The following ZRANB3 variants were observed in gnomAD, a reference collection of about 807,000 sequenced individuals.
ZRANB3 encodes the protein DNA annealing helicase and endonuclease ZRANB3.
In ZRANB3, 125 loss-of-function variants were observed where a neutral mutation model predicts 133.8. That is an observed-to-expected ratio of 0.93 (90% CI 0.81 to 1.08). The LOEUF is 1.08. Among genes scored for constraint, ZRANB3 ranks in the 50% least tolerant of loss-of-function variants. ZRANB3 has a pLI of 0.00. For synonymous variants in ZRANB3, 387 were observed against 432.7 expected (o/e 0.89, Z 1.31); for missense variants, 1,229 against 1,275.5 (o/e 0.96, Z 0.56).
intron 1 of ZRANB3, chr2:135,510,577 C>A: frequency 1.4e-6 from 1 of 725,448 alleles, no homozygotes; most frequent in Admixed American, 2.1e-5. Context: ...TCTTCCCACT[C>A]CAAATCCTGC....
chr2:135,480,319 A>C (rs1691718936), intron 2 of ZRANB3, among the ~76,000 whole-genome samples: 1 of 152,152 alleles, frequency 6.6e-6, no homozygotes, highest in African/African-American at 2.4e-5. Flanking sequence ...GAAATAATTT[A>C]ACAAAGAATC....
chr2:135,405,044 G>T (rs1244386198), intron 2 of ZRANB3, among the ~76,000 whole-genome samples: 2 of 152,126 alleles, frequency 1.3e-5, no homozygotes, highest in Non-Finnish European at 2.9e-5. Context: ...AAAGAGTCAA[G>T]ACCCATCAGT....
At chr2:135,247,489 A>G (rs1695849897) in intron 12 of ZRANB3, among the ~76,000 whole-genome samples, 1 of 152,228 alleles carries the variant, frequency 6.6e-6, no homozygotes. Flanking sequence ...CACACAAAAT[A>G]AAACACATTT....
chr2:135,524,511 G>A (rs548507767), intron 1 of ZRANB3, among the ~76,000 whole-genome samples: 2 of 152,052 alleles, frequency 1.3e-5, no homozygotes, highest in Admixed American at 1.3e-4. Flanking sequence ...GTCATATTTG[G>A]TATATATATA....
At chr2:135,248,862 C>T (rs1695919127) in intron 12 of ZRANB3, among the ~76,000 whole-genome samples, 1 of 152,086 alleles carries the variant, frequency 6.6e-6, no homozygotes, top group Non-Finnish European at 1.5e-5. Context: ...GCCAAGATTG[C>T]ACCATCACAT....
At chr2:135,238,518 C>T (rs553313132) in intron 12 of ZRANB3, among the ~76,000 whole-genome samples, 4 of 151,702 alleles carry the variant, frequency 2.6e-5, no homozygotes, top group Non-Finnish European at 4.4e-5. Flanking sequence ...TGTTCACTAT[C>T]ACGCCCAGCT....
intron 3 of ZRANB3, among the ~76,000 whole-genome samples, chr2:135,377,267 A>G (rs1686471256): frequency 6.6e-6 from 1 of 152,180 alleles, no homozygotes. Flanking sequence ...ATGTACATAT[A>G]TATGTATATC....
chr2:135,511,837 C>T (rs761301857), intron 1 of ZRANB3: 47 of 763,032 alleles, frequency 6.2e-5, no homozygotes, highest in Non-Finnish European at 9.8e-5. Flanking sequence ...AGAAGAGTTC[C>T]TTCCATAAAA....
intron 3 of ZRANB3, among the ~76,000 whole-genome samples, chr2:135,387,963 A>C (rs1201069825): frequency 2.6e-5 from 4 of 152,182 alleles, no homozygotes; most frequent in Admixed American, 6.5e-5. Context: ...GGTGTGTTAG[A>C]GAATATAAGA....
intron 1 of ZRANB3, among the ~76,000 whole-genome samples, chr2:135,514,413 A>ATT (rs1483730406): frequency 6.6e-6 from 1 of 152,068 alleles, no homozygotes; most frequent in Non-Finnish European, 1.5e-5. Flanking sequence ...ATTGTTAATG[A>ATT]GAGTTCATAC....
At chr2:135,351,622 A>T (rs1383748754) in intron 4 of ZRANB3, among the ~76,000 whole-genome samples, 2 of 152,194 alleles carry the variant, frequency 1.3e-5, no homozygotes, top group Non-Finnish European at 2.9e-5. Flanking sequence ...ATTACTAACT[A>T]ACTTAGGTAT....
At chr2:135,420,750 AGTTTTCTT>A (rs1432179683) in intron 2 of ZRANB3, among the ~76,000 whole-genome samples, 1 of 152,110 alleles carries the variant, frequency 6.6e-6, no homozygotes, top group Non-Finnish European at 1.5e-5. Context: ...TCTTTTGGAG[AGTTTTCTT>A]GTTTTCTTTA....
intron 2 of ZRANB3, among the ~76,000 whole-genome samples, chr2:135,457,852 T>C (rs906567506): frequency 6.6e-6 from 1 of 152,124 alleles, no homozygotes; most frequent in Non-Finnish European, 1.5e-5. Context: ...CAAATAATTG[T>C]TCCTAGTCTG....
At chr2:135,330,111 G>C (rs918348202) in intron 6 of ZRANB3, among the ~76,000 whole-genome samples, 1 of 152,198 alleles carries the variant, frequency 6.6e-6, no homozygotes, top group African/African-American at 2.4e-5. Context: ...AGTGGTGAGA[G>C]AGTGCATCCT....
Position 135,290,402 on chromosome 2 carries a change from C to T in ZRANB3, c.967-14647G>A, listed in dbSNP as rs111818625. ...CTTTAAAGTCTGTTTTTTTCTGATA[C>T]AAGGATAGCTACTCCTGCTCACTTT... is the stretch of plus-strand genomic sequence containing the variant. On this transcript the variant is annotated intron_variant, in intron 8 of 20. Transcript: ENST00000264159. Among the ~76,000 whole-genome samples the T allele has an allele frequency of 3.0e-3, 453 of 152,272 alleles. 3 individuals carry two copies. The highest frequency in any genetic ancestry group is 0.01 in the African/African-American group (422 of 41,554).
At chr2:135,273,849 T>C (rs549175792) in intron 9 of ZRANB3, among the ~76,000 whole-genome samples, 9 of 152,290 alleles carry the variant, frequency 5.9e-5, no homozygotes, top group African/African-American at 2.2e-4. Context: ...TATCTACATT[T>C]TTAACTCTTA....
intron 1 of ZRANB3, among the ~76,000 whole-genome samples, chr2:135,529,552 G>A (rs1453679628): frequency 6.6e-6 from 1 of 152,104 alleles, no homozygotes; most frequent in African/African-American, 2.4e-5. Context: ...CCCGAGGCTG[G>A]AGTGCAGTGG....
At chr2:135,524,086 CTT>C (rs1399190644) in intron 1 of ZRANB3, among the ~76,000 whole-genome samples, 1 of 151,730 alleles carries the variant, frequency 6.6e-6, no homozygotes, top group African/African-American at 2.4e-5. Context: ...TGGTCGAATT[CTT>C]TTTTCTTTTT....
chr2:135,517,765 G>A (rs1004863481), intron 1 of ZRANB3, among the ~76,000 whole-genome samples: 3 of 152,224 alleles, frequency 2.0e-5, no homozygotes, highest in Non-Finnish European at 4.4e-5. Context: ...GAGACAGTCT[G>A]TCCCTTAGCA....
Sources: gnomAD v4.1 joint callset for allele counts (sites outside exome capture counted in the v4.1 genomes callset) on GRCh38, gnomAD v4.1.1 for gene constraint, MANE v1.5 for transcripts, NCBI Gene and HGNC (gene_info 2026-07-23, HGNC 2026-07-21) for gene names.